The following EPHA6 variants were observed in gnomAD, a reference collection of about 807,000 sequenced individuals.
EPHA6 encodes EPH receptor A6, also known as ephrin type-A receptor 6.
A neutral mutation model predicts 112.0 loss-of-function variants in EPHA6; 50 were observed. The observed-to-expected ratio is 0.45, with a 90% CI of 0.36 to 0.56. The LOEUF is 0.56. Among genes scored for constraint, EPHA6 ranks in the 20% least tolerant of loss-of-function variants. EPHA6 has a pLI of 0.00. For missense variants in EPHA6, 1,280 were observed against 1,417.4 expected (o/e 0.90, Z 1.56); for synonymous variants, 529 against 490.7 (o/e 1.08, Z -1.03).
intron 7 of EPHA6, among the ~76,000 whole-genome samples, chr3:97,463,277 T>C (rs895052805): frequency 1.3e-5 from 2 of 152,064 alleles, no homozygotes; most frequent in Non-Finnish European, 2.9e-5. Context: ...CCCATGTATA[T>C]AATAACATAT....
At chr3:97,500,484 A>G (rs1188537951) in intron 10 of EPHA6, among the ~76,000 whole-genome samples, 2 of 152,044 alleles carry the variant, frequency 1.3e-5, no homozygotes, top group Admixed American at 6.6e-5. Flanking sequence ...ATACTTGTAA[A>G]CGACCAGATC....
At chr3:97,258,043 C>A (rs754486870) in intron 5 of EPHA6, among the ~76,000 whole-genome samples, 1 of 151,932 alleles carries the variant, frequency 6.6e-6, no homozygotes. Flanking sequence ...ATGATCTTAT[C>A]TTGCTTGTTC....
intron 10 of EPHA6, 131 bp downstream of exon 10, chr3:97,484,190 C>A: frequency 1.4e-6 from 1 of 701,478 alleles, no homozygotes; most frequent in Non-Finnish European, 2.1e-6. Context: ...GTAAAGTGAT[C>A]TTGTATATGT....
intron 6 of EPHA6, among the ~76,000 whole-genome samples, chr3:97,425,237 G>A (rs2089014527): frequency 6.6e-6 from 1 of 152,172 alleles, no homozygotes; most frequent in Non-Finnish European, 1.5e-5. Flanking sequence ...ACTCTGTGTG[G>A]GGGCTCCAAC....
chr3:97,369,522 G>T (rs943412436), intron 5 of EPHA6, among the ~76,000 whole-genome samples: 1 of 152,164 alleles, frequency 6.6e-6, no homozygotes, highest in African/African-American at 2.4e-5. Flanking sequence ...CTGGGTAAAT[G>T]GTTGTTCCAG....
chr3:97,304,946 A>C (rs1378275730), intron 5 of EPHA6, among the ~76,000 whole-genome samples: 1 of 152,252 alleles, frequency 6.6e-6, no homozygotes, highest in South Asian at 2.1e-4. Flanking sequence ...ATCAGAGTGA[A>C]CAGAAAGGCT....
intron 7 of EPHA6, among the ~76,000 whole-genome samples, chr3:97,462,617 G>T (rs1413418241): frequency 3.9e-5 from 6 of 152,112 alleles, no homozygotes; most frequent in Non-Finnish European, 7.4e-5. Context: ...TATTGAAAAT[G>T]ATATTTTTGG....
intron 5 of EPHA6, among the ~76,000 whole-genome samples, chr3:97,247,284 T>A (rs545152948): frequency 6.6e-6 from 1 of 152,104 alleles, no homozygotes; most frequent in South Asian, 2.1e-4. Context: ...TTCATAAACT[T>A]TCAATTTATT....
chr3:97,378,717 T>C (rs1004734265), intron 5 of EPHA6, among the ~76,000 whole-genome samples: 1 of 152,178 alleles, frequency 6.6e-6, no homozygotes, highest in African/African-American at 2.4e-5. Context: ...GACTGCCCCA[T>C]TGGATTTCAG....
At chr3:96,998,629 T>G (rs1007472464) in intron 3 of EPHA6, among the ~76,000 whole-genome samples, 1 of 151,940 alleles carries the variant, frequency 6.6e-6, no homozygotes, top group African/African-American at 2.4e-5. Context: ...AATTTAATTG[T>G]CATTTCTTGG....
At chr3:97,716,059 T>C (rs1459635072) in intron 14 of EPHA6, among the ~76,000 whole-genome samples, 1 of 152,244 alleles carries the variant, frequency 6.6e-6, no homozygotes, top group African/African-American at 2.4e-5. Context: ...AAACATATGG[T>C]AAAGCAACAT....
At chr3:97,149,243 A>G (rs1275744025) in intron 3 of EPHA6, among the ~76,000 whole-genome samples, 2 of 152,266 alleles carry the variant, frequency 1.3e-5, no homozygotes, top group East Asian at 3.9e-4. Context: ...ACTTTGATGC[A>G]CATGGCCTGC....
In EPHA6 at chr3:97,646,071, A is replaced by G. The variant is rs951948092; in HGVS notation, c.2784+7989A>G. ...TGGAAGCTATCCTTTTCTAATCAAAATACGGACAGAATAGGCATTTTCCAT... is the reference window on the plus strand; with the variant it reads ...TGGAAGCTATCCTTTTCTAATCAAAGTACGGACAGAATAGGCATTTTCCAT... On this transcript the variant is annotated intron_variant, in intron 14 of 17. Coordinates refer to ENST00000389672, the MANE Select transcript of EPHA6 (RefSeq NM_001080448.3). The G allele has an allele frequency of 3.6e-6, 5 of 1,390,342 alleles. No homozygotes were observed. The African/African-American group carries it at 7.3e-5, about 20-fold the overall frequency. The allele number at this position is 1,390,342 out of a possible 1,614,324, so 86.1% of individuals were successfully genotyped here.
chr3:96,967,830 AC>A (rs1452306736), intron 2 of EPHA6, among the ~76,000 whole-genome samples: 2 of 151,804 alleles, frequency 1.3e-5, no homozygotes, highest in African/African-American at 4.8e-5. Context: ...TCTTGAAGGA[AC>A]TTTGGAAGGA....
At position 97,246,609 on chromosome 3, in the gene EPHA6, GTTAAT is replaced by G. The variant is rs1334105304; in HGVS notation, c.1606+2330_1606+2334del. Among the ~76,000 whole-genome samples, 13 of 151,344 alleles carry G rather than the reference GTTAAT, an allele frequency of 8.6e-5. No homozygotes were observed. In the South Asian group the frequency reaches 2.3e-3, roughly 27 times the overall value. ...TTTTGAATATTAAGAAATGATTATT[GTTAAT>G]TTAATTTGATTTTGTTTTAGATATA... On this transcript the variant is annotated intron_variant, in intron 5 of 17. Transcript: ENST00000389672.
intron 3 of EPHA6, among the ~76,000 whole-genome samples, chr3:97,197,640 G>C (rs2077475480): frequency 6.6e-6 from 1 of 151,852 alleles, no homozygotes; most frequent in South Asian, 2.1e-4. Flanking sequence ...CTGGGGTTGG[G>C]GGATGGGTGA....
intron 6 of EPHA6, among the ~76,000 whole-genome samples, chr3:97,406,377 G>T (rs2087346056): frequency 6.6e-6 from 1 of 152,102 alleles, no homozygotes; most frequent in South Asian, 2.1e-4. Context: ...GGAGGGCAAG[G>T]CCAGGGTGAG....
chr3:97,755,700 A>T lies in EPHA6; in HGVS notation c.*6999A>T, dbSNP rs973805579. Among the ~76,000 whole-genome samples the T allele has an allele frequency of 2.0e-5, 3 of 152,144 alleles. No homozygotes were observed. The highest frequency in any genetic ancestry group is 4.4e-5 in the Non-Finnish European group (3 of 67,964). Reference sequence around the variant, plus strand: ...TATATTTAGGTATTAGTAACTGAGGATAGATATCTTTGTTTCATGAGTTCA... The same window carrying T: ...TATATTTAGGTATTAGTAACTGAGGTTAGATATCTTTGTTTCATGAGTTCA... On this transcript the variant is annotated 3_prime_UTR_variant, in exon 18 of 18. Coordinates refer to ENST00000389672, the MANE Select transcript of EPHA6 (RefSeq NM_001080448.3).
At chr3:96,873,698 G>C (rs957987831) in intron 2 of EPHA6, among the ~76,000 whole-genome samples, 2 of 152,076 alleles carry the variant, frequency 1.3e-5, no homozygotes, top group Non-Finnish European at 2.9e-5. Flanking sequence ...AATCGGTAAA[G>C]GAAGATTTCA....
Sources: gnomAD v4.1 joint callset for allele counts (sites outside exome capture counted in the v4.1 genomes callset) on GRCh38, gnomAD v4.1.1 for gene constraint, MANE v1.5 for transcripts, NCBI Gene and HGNC (gene_info 2026-07-23, HGNC 2026-07-21) for gene names.